PLXNA4: variants seen among roughly 807,000 people sequenced by gnomAD.
The protein encoded by PLXNA4 is plexin A4.
Under a neutral mutation model 191.8 loss-of-function variants are expected in PLXNA4, and 44 were observed. That is an observed-to-expected ratio of 0.23 (90% CI 0.18 to 0.29). The LOEUF (loss-of-function observed/expected upper bound fraction) is 0.29, where lower values mean the gene tolerates loss of function less well. Ranked by LOEUF, PLXNA4 falls within the 10% of genes least tolerant of loss-of-function variation. The pLI, the probability that PLXNA4 is intolerant of heterozygous loss-of-function variation, is 1.00. For synonymous variants in PLXNA4, 1,082 were observed against 1,009.5 expected, an observed-to-expected ratio of 1.07 and a Z score of -1.36; for missense variants, 1,800 against 2,488.8, an observed-to-expected ratio of 0.72 and a Z score of 5.89.
At chr7:132,294,207 G>A (rs568889115) in intron 4 of PLXNA4, among the ~76,000 whole-genome samples, 4 of 152,314 alleles carry the variant, frequency 2.6e-5, no homozygotes, top group South Asian at 2.1e-4. Context: ...TGGTACTCAG[G>A]GGACGCAGAT....
intron 30 of PLXNA4, among the ~76,000 whole-genome samples, chr7:132,134,010 A>AT (rs1795044876): frequency 6.6e-6 from 1 of 152,170 alleles, no homozygotes; most frequent in African/African-American, 2.4e-5. Context: ...AATCCAGCCC[A>AT]TGCCAAATCC....
At chr7:132,385,773 G>A (rs1175868026) in intron 3 of PLXNA4, among the ~76,000 whole-genome samples, 1 of 152,204 alleles carries the variant, frequency 6.6e-6, no homozygotes, top group Non-Finnish European at 1.5e-5. Flanking sequence ...CATTCTCAGT[G>A]ACAAGTCCTC....
intron 1 of PLXNA4, among the ~76,000 whole-genome samples, chr7:132,541,610 T>C (rs1400357253): frequency 6.6e-6 from 1 of 152,246 alleles, no homozygotes; most frequent in Non-Finnish European, 1.5e-5. Context: ...CTTCTGGTTA[T>C]AAAGCCCCCT....
chr7:132,392,639 G>A (rs1793548576), intron 3 of PLXNA4, among the ~76,000 whole-genome samples: 1 of 152,252 alleles, frequency 6.6e-6, no homozygotes, highest in African/African-American at 2.4e-5. Flanking sequence ...GTGGCGCAGA[G>A]CTGAGCATCG....
chr7:132,244,694 T>C (rs988733025), intron 4 of PLXNA4, among the ~76,000 whole-genome samples: 1 of 152,160 alleles, frequency 6.6e-6, no homozygotes, highest in Non-Finnish European at 1.5e-5. Context: ...CATCAGGCAA[T>C]AGTCTCCAGC....
intron 6 of PLXNA4, 146 bp from the exon 7 acceptor site, chr7:132,227,750 C>A: frequency 9.3e-7 from 1 of 1,079,840 alleles, no homozygotes; most frequent in Non-Finnish European, 1.3e-6. Context: ...GGAGAAGAGA[C>A]TCAGGTTATT....
intron 7 of PLXNA4, among the ~76,000 whole-genome samples, chr7:132,227,087 T>C (rs1300332711): frequency 3.3e-5 from 5 of 152,160 alleles, no homozygotes; most frequent in Non-Finnish European, 7.4e-5. Flanking sequence ...GCATCCCTGC[T>C]CCAGCTCAGT....
At chr7:132,409,224 C>T (rs1003376112) in intron 3 of PLXNA4, among the ~76,000 whole-genome samples, 1 of 152,146 alleles carries the variant, frequency 6.6e-6, no homozygotes, top group African/African-American at 2.4e-5. Context: ...GAGGTGGGGG[C>T]TCAGCTCTGT....
At chr7:132,437,569 GAA>G (rs58252362) in intron 3 of PLXNA4, among the ~76,000 whole-genome samples, 97,477 of 138,356 alleles carry the variant, frequency 0.7, 38,787 homozygotes, top group Non-Finnish European at 0.89. Context: ...GGAAAAAAAA[GAA>G]AAAAAAAAAA....
Position 132,147,917 on chromosome 7 carries a change from G to T in PLXNA4, c.4847C>A (p.Thr1616Asn), listed in dbSNP as rs1339186802. Reference protein sequence around the residue: ...NAVNNSTVSRTSASKYENMIR... With the variant: ...NAVNNSTVSRNSASKYENMIR... The stretch of plus-strand genomic sequence containing the variant: ...GATCTTACCATATTTACTTGCTGAG[G>T]TCCTGGAGACGGTGGAGTTGTTCAC... The change falls in exon 27 of 32, where the codon ACC becomes AAC. Residue 1616 changes from threonine (T) to asparagine (N), a missense_variant. Coordinates refer to ENST00000321063, the MANE Select transcript of PLXNA4 (RefSeq NM_020911.2). The T allele has an allele frequency of 6.2e-7, 1 of 1,614,116 alleles. No individual in the cohort carries two copies. The highest frequency in any genetic ancestry group is 1.7e-5 in the Admixed American group (1 of 60,030).
At chr7:132,447,306 C>T (rs914094084) in intron 3 of PLXNA4, among the ~76,000 whole-genome samples, 16 of 152,118 alleles carry the variant, frequency 1.1e-4, no homozygotes, top group South Asian at 2.1e-4. Flanking sequence ...CCCCATTAAC[C>T]GATTGATGGA....
chr7:132,266,811 C>G (rs941793913), intron 4 of PLXNA4, among the ~76,000 whole-genome samples: 1 of 152,170 alleles, frequency 6.6e-6, no homozygotes, highest in Non-Finnish European at 1.5e-5. Flanking sequence ...AAAGACATTT[C>G]TAGGGTACAG....
chr7:132,548,153 G>T (rs772908141), intron 1 of PLXNA4, among the ~76,000 whole-genome samples: 1 of 152,160 alleles, frequency 6.6e-6, no homozygotes, highest in Non-Finnish European at 1.5e-5. Context: ...GGAATGCCAC[G>T]TCCCAAATCC....
intron 1 of PLXNA4, among the ~76,000 whole-genome samples, chr7:132,550,840 G>A (rs1800530219): frequency 6.6e-6 from 1 of 152,014 alleles, no homozygotes; most frequent in South Asian, 2.1e-4. Flanking sequence ...CTTAATCCTG[G>A]TCTCTCCCTG....
chr7:132,472,694 T>C (rs1339907012), intron 3 of PLXNA4, among the ~76,000 whole-genome samples: 1 of 152,108 alleles, frequency 6.6e-6, no homozygotes, highest in African/African-American at 2.4e-5. Context: ...GAAACATCAC[T>C]GGAAAAGCTG....
At chr7:132,608,220 C>T (rs954718672) in intron 2 of PLXNA4, among the ~76,000 whole-genome samples, 5 of 152,368 alleles carry the variant, frequency 3.3e-5, no homozygotes, top group African/African-American at 1.2e-4. Context: ...TCATCACTAT[C>T]ACCATCACCA....
chr7:132,332,574 C>T lies in PLXNA4; in HGVS notation c.1372-34352G>A, dbSNP rs181585904. Among the ~76,000 whole-genome samples the T allele has an allele frequency of 8.4e-4, 127 of 152,052 alleles. 1 individual carries two copies. The South Asian group carries it at 0.012, about 14-fold the overall frequency. On this transcript the variant is annotated intron_variant, in intron 3 of 31. Coordinates refer to ENST00000321063, the MANE Select transcript of PLXNA4 (RefSeq NM_020911.2). ...TTCCAGTATTATTCCATGGGCTGGG[C>T]GTGGTGGCTCATGCCTATAATCTCA...
At chr7:132,542,363 C>T (rs186086486) in intron 1 of PLXNA4, among the ~76,000 whole-genome samples, 101 of 152,098 alleles carry the variant, frequency 6.6e-4, no homozygotes, top group Non-Finnish European at 6.6e-4. Flanking sequence ...AAGATGAGGG[C>T]GTGGGGGAAT....
rs1796702043 is a variant in PLXNA4 at position 132,181,463 on chromosome 7, G to A, written c.3410C>T (p.Thr1137Ile). 2.5e-6 allele frequency: 4 copies of A among 1,614,076 alleles called. No individual in the cohort carries two copies. Among genetic ancestry groups the A allele is most frequent in the Non-Finnish European group, 3.4e-6 (4 of 1,180,050 alleles). The change falls in exon 18 of 32, where the codon ACC (threonine) becomes ATC (isoleucine). Residue 1137 changes from threonine (T) to isoleucine (I), a missense_variant. Transcript: ENST00000321063. Reference sequence around the variant, plus strand: ...CTCAAACACCGGGTTGGGATAGTAGGTGAAGTTGGTCTTGTTGAGGATGAG... The same window carrying A: ...CTCAAACACCGGGTTGGGATAGTAGATGAAGTTGGTCTTGTTGAGGATGAG... ...SLLILNKTNF[T>I]YYPNPVFEAF... is the part of the protein sequence containing the mutation.
Sources: gnomAD v4.1 joint callset for allele counts (sites outside exome capture counted in the v4.1 genomes callset) on GRCh38, gnomAD v4.1.1 for gene constraint, MANE v1.5 for transcripts, NCBI Gene and HGNC (gene_info 2026-07-23, HGNC 2026-07-21) for gene names.